CLYBL: variants seen among roughly 807,000 people sequenced by gnomAD.
CLYBL encodes citramalyl-CoA lyase, also known as citramalyl-CoA lyase, mitochondrial.
In CLYBL, 31 loss-of-function variants were observed where a neutral mutation model predicts 38.9. The ratio of observed to expected loss-of-function variants is 0.80; its 90% CI spans 0.60 to 1.08. The LOEUF (loss-of-function observed/expected upper bound fraction) is 1.08, where lower values mean the gene tolerates loss of function less well. Among genes scored for constraint, CLYBL ranks in the 50% least tolerant of loss-of-function variants. The pLI, the probability that CLYBL is intolerant of heterozygous loss-of-function variation, is 0.00. For missense variants in CLYBL, 434 were observed against 411.6 expected (o/e 1.05, Z -0.47); for synonymous variants, 171 against 158.6 (o/e 1.08, Z -0.59).
intron 1 of CLYBL, among the ~76,000 whole-genome samples, chr13:99,706,650 C>T (rs911108988): frequency 1.2e-4 from 18 of 152,066 alleles, no homozygotes; most frequent in Admixed American, 2.6e-4. Flanking sequence ...CCAAATTGCT[C>T]ATGATGTTAC....
At chr13:99,859,869 A>C (rs1465134312) in intron 3 of CLYBL, among the ~76,000 whole-genome samples, 1 of 152,150 alleles carries the variant, frequency 6.6e-6, no homozygotes, top group Non-Finnish European at 1.5e-5. Context: ...AAAATGTGTC[A>C]TTCTGGGCCC....
At chr13:99,730,224 G>T (rs2048563661) in intron 1 of CLYBL, among the ~76,000 whole-genome samples, 1 of 152,208 alleles carries the variant, frequency 6.6e-6, no homozygotes, top group African/African-American at 2.4e-5. Context: ...GGCAGCTGAG[G>T]CCTCACTTTT....
intron 1 of CLYBL, among the ~76,000 whole-genome samples, chr13:99,623,657 A>G (rs1297641647): frequency 6.6e-6 from 1 of 152,152 alleles, no homozygotes; most frequent in Admixed American, 6.5e-5. Context: ...TCCAAGGTCC[A>G]TTTAGAAGTA....
At chr13:99,888,055 C>T (rs945781737) in intron 7 of CLYBL, among the ~76,000 whole-genome samples, 3 of 152,066 alleles carry the variant, frequency 2.0e-5, no homozygotes, top group Admixed American at 6.6e-5. Context: ...AGGGTTTCAC[C>T]ATGTTGGCCA....
rs147520591 is a variant in CLYBL at position 99,908,795 on chromosome 13, G to T, written c.*901G>T. On this transcript the variant is annotated 3_prime_UTR_variant and NMD_transcript_variant, in exon 10 of 10. Coordinates refer to the CLYBL transcript ENST00000689673. ...GGCAGAAAGTTGGTCTACTTTGCTC[G>T]TTCCTGGCAACTAGCATGGTGCCTG... Among the ~76,000 whole-genome samples, 727 of 152,290 alleles carry T rather than the reference G, an allele frequency of 4.8e-3. 6 individuals carry two copies. The highest frequency in any genetic ancestry group is 0.017 in the African/African-American group (698 of 41,548).
chr13:99,737,526 T>G (rs1317200370), intron 1 of CLYBL, among the ~76,000 whole-genome samples: 2 of 152,204 alleles, frequency 1.3e-5, no homozygotes, highest in Non-Finnish European at 2.9e-5. Flanking sequence ...CTGTTAGGCT[T>G]TCCTTACCTC....
chr13:99,907,084 TAGAC>T (rs1478761819), intron 9 of CLYBL, among the ~76,000 whole-genome samples: 12 of 152,228 alleles, frequency 7.9e-5, no homozygotes, highest in Non-Finnish European at 1.6e-4. Context: ...GATGGAATAT[TAGAC>T]AGCCACTAAA....
At chr13:99,656,435 C>T (rs769321115) in intron 1 of CLYBL, among the ~76,000 whole-genome samples, 1 of 152,212 alleles carries the variant, frequency 6.6e-6, no homozygotes, top group Non-Finnish European at 1.5e-5. Context: ...CTCTCTTGAT[C>T]GTCTACAGAT....
chr13:99,656,181 AG>A (rs1051495694), intron 1 of CLYBL, among the ~76,000 whole-genome samples: 7 of 152,116 alleles, frequency 4.6e-5, no homozygotes, highest in African/African-American at 1.7e-4. Flanking sequence ...ATCGGATAGA[AG>A]GGTTGGGAGT....
chr13:99,731,227 T>G (rs2048584685), intron 1 of CLYBL, among the ~76,000 whole-genome samples: 1 of 151,424 alleles, frequency 6.6e-6, no homozygotes, highest in Admixed American at 6.6e-5. Context: ...AGTTGTATGG[T>G]CAAAATTGAA....
At chr13:99,694,384 C>T (rs1288068138) in intron 1 of CLYBL, among the ~76,000 whole-genome samples, 3 of 152,200 alleles carry the variant, frequency 2.0e-5, no homozygotes, top group Non-Finnish European at 4.4e-5. Flanking sequence ...GTTTTCCTTC[C>T]CCAAGTCTGT....
downstream of CLYBL, among the ~76,000 whole-genome samples, chr13:99,901,245 C>G (rs868525864): frequency 2.0e-5 from 3 of 152,220 alleles, no homozygotes; most frequent in African/African-American, 2.4e-5. Context: ...CCATCTAGTC[C>G]TGCTAGATTC....
chr13:99,704,127 C>T (rs1195985087), intron 1 of CLYBL, among the ~76,000 whole-genome samples: 6 of 152,180 alleles, frequency 3.9e-5, no homozygotes, highest in Non-Finnish European at 8.8e-5. Flanking sequence ...TTGTTAATGA[C>T]ATTCAGATCT....
chr13:99,692,607 T>G (rs948761293), intron 1 of CLYBL, among the ~76,000 whole-genome samples: 2 of 152,160 alleles, frequency 1.3e-5, no homozygotes, highest in Non-Finnish European at 2.9e-5. Flanking sequence ...GTTCACATTT[T>G]TAAAGGACAC....
chr13:99,741,459 G>C (rs1019477655), intron 1 of CLYBL, among the ~76,000 whole-genome samples: 3 of 152,182 alleles, frequency 2.0e-5, no homozygotes, highest in Non-Finnish European at 4.4e-5. Flanking sequence ...GTGATTTTGT[G>C]GGGATACTTG....
intron 1 of CLYBL, 106 bp from the exon 2 acceptor site, chr13:99,772,718 G>T (rs781533030): frequency 5.3e-6 from 5 of 947,930 alleles, no homozygotes; most frequent in Non-Finnish European, 7.9e-6. Context: ...AATAAAAAAA[G>T]ATTATCCATG....
intron 2 of CLYBL, among the ~76,000 whole-genome samples, chr13:99,844,104 G>A (rs2051145130): frequency 6.6e-6 from 1 of 152,116 alleles, no homozygotes; most frequent in African/African-American, 2.4e-5. Flanking sequence ...ACAGAATTTC[G>A]TTTACTGAGT....
chr13:99,891,195 T>C, intron 7 of CLYBL, 123 bp from the exon 8 acceptor site: 1 of 706,942 alleles, frequency 1.4e-6, no homozygotes, highest in Non-Finnish European at 2.4e-6. Context: ...TCTCAAAAGT[T>C]GGGCGGGAAA....
downstream of CLYBL, among the ~76,000 whole-genome samples, chr13:99,897,850 G>C (rs939068468): frequency 6.6e-6 from 1 of 152,144 alleles, no homozygotes; most frequent in Non-Finnish European, 1.5e-5. Flanking sequence ...GAAAGGCTGA[G>C]GCAGGAGAAT....
Sources: allele counts gnomAD v4.1 joint callset (sites outside exome capture counted in the v4.1 genomes callset), GRCh38; gene constraint gnomAD v4.1.1; transcripts MANE v1.5; gene names NCBI Gene and HGNC (gene_info 2026-07-23, HGNC 2026-07-21).